UBN2: variants seen among roughly 807,000 people sequenced by gnomAD.
UBN2 encodes the protein ubinuclein 2.
In UBN2, 35 loss-of-function variants were observed where a neutral mutation model predicts 120.2. The ratio of observed to expected loss-of-function variants is 0.29; its 90% CI spans 0.22 to 0.39. The LOEUF is 0.39. Among genes scored for constraint, UBN2 ranks in the 10% least tolerant of loss-of-function variants. The probability of loss-of-function intolerance (pLI) is 1.00; values close to 1 mark genes in which losing one functional copy is unlikely to be tolerated. For synonymous variants in UBN2, 661 were observed against 648.7 expected (o/e 1.02, Z -0.29); for missense variants, 1,693 against 1,663.2 (o/e 1.02, Z -0.31).
intron 3 of UBN2, among the ~76,000 whole-genome samples, chr7:139,258,275 A>G (rs1027324455): frequency 2.0e-5 from 3 of 152,070 alleles, no homozygotes; most frequent in Non-Finnish European, 4.4e-5. Context: ...ATACTTTATT[A>G]TTTCAGAAGT....
At position 139,303,321 on chromosome 7, in the gene UBN2, G is replaced by T. The variant is rs1459789827; in HGVS notation, c.*5485G>T. The T allele has an allele frequency of 1.3e-5, 2 of 152,212 alleles. No individual in the cohort carries two copies. The highest frequency in any genetic ancestry group is 4.8e-5 in the African/African-American group (2 of 41,448). The allele number at this position is 152,212 out of a possible 1,614,324, so 9.4% of individuals were successfully genotyped here. On this transcript the variant is annotated 3_prime_UTR_variant, in exon 18 of 18. Coordinates refer to ENST00000473989, the MANE Select transcript of UBN2 (RefSeq NM_173569.4). ...GATTTTTTGTTGAAAACAAATAGAT[G>T]TGACATGTTAAGGGAGACCAAGTTG...
chr7:139,286,865 T>C (rs1408979701), intron 15 of UBN2, among the ~76,000 whole-genome samples: 1 of 152,172 alleles, frequency 6.6e-6, no homozygotes, highest in Non-Finnish European at 1.5e-5. Flanking sequence ...ATATTCAATA[T>C]ACATTGTATA....
chr7:139,319,850 G>A, the UBN2 span, among the ~76,000 whole-genome samples: 3 of 152,038 alleles, frequency 2.0e-5, no homozygotes, highest in Non-Finnish European at 2.9e-5. Flanking sequence ...GCCGAGGTGG[G>A]CGTATCACAA....
the UBN2 span, among the ~76,000 whole-genome samples, chr7:139,321,218 T>G: frequency 6.6e-6 from 1 of 152,156 alleles, no homozygotes; most frequent in South Asian, 2.1e-4. Context: ...AGCTCCACAT[T>G]GGGAAGGATT....
At position 139,282,482 on chromosome 7, in the gene UBN2, T is replaced by A. The variant is rs113123631; in HGVS notation, c.2118+427T>A. 6.1e-3 allele frequency among the ~76,000 whole-genome samples: 929 copies of A among 152,294 alleles called. 6 individuals are homozygous for A. The highest frequency in any genetic ancestry group is 0.021 in the African/African-American group (853 of 41,562). ...ATTCACCATAATAAATAGCATAATT[T>A]ATTTATGCTTGGATTGAATCGTCTG... On this transcript the variant is annotated intron_variant, in intron 14 of 17. Transcript: ENST00000473989.
chr7:139,271,611 A>G (rs2131007405), intron 8 of UBN2, among the ~76,000 whole-genome samples: 1 of 152,260 alleles, frequency 6.6e-6, no homozygotes, highest in Admixed American at 6.5e-5. Flanking sequence ...TTGTTTCAGT[A>G]AAGAAAAGTC....
chr7:139,273,835 T>C (rs980568299), intron 10 of UBN2, 96 bp from the exon 11 acceptor site: 1 of 1,062,620 alleles, frequency 9.4e-7, no homozygotes, highest in African/African-American at 1.6e-5. Flanking sequence ...TAGAAATTGT[T>C]TGTTATTTTC....
chr7:139,238,450 C>T (rs1399578710), intron 2 of UBN2, among the ~76,000 whole-genome samples: 1 of 149,078 alleles, frequency 6.7e-6, no homozygotes, highest in Non-Finnish European at 1.5e-5. Flanking sequence ...TTTTCTAAGA[C>T]AGAGTCTCTG....
chr7:139,273,118 T>A (rs1240892989), intron 9 of UBN2, among the ~76,000 whole-genome samples, 179 bp from the exon 10 acceptor site: 1 of 152,214 alleles, frequency 6.6e-6, no homozygotes, highest in East Asian at 1.9e-4. Flanking sequence ...TCTGAAGTCC[T>A]TATTTACCAA....
At chr7:139,234,486 A>G (rs999717121) in intron 1 of UBN2, among the ~76,000 whole-genome samples, 13 of 152,334 alleles carry the variant, frequency 8.5e-5, no homozygotes, top group Admixed American at 8.5e-4. Flanking sequence ...GGAAAATAGG[A>G]AAAACAAAAC....
At chr7:139,329,186 AT>A in the UBN2 span, among the ~76,000 whole-genome samples, 16,516 of 134,636 alleles carry the variant, frequency 0.12, 2,313 homozygotes, top group African/African-American at 0.36. Flanking sequence ...TGAGCAAAAG[AT>A]TTTTTTTTTT....
At chr7:139,308,950 A>G (rs756387170), downstream of UBN2, among the ~76,000 whole-genome samples, 5 of 152,134 alleles carry the variant, frequency 3.3e-5, no homozygotes, top group Non-Finnish European at 7.4e-5. Context: ...TGTGCCTGTA[A>G]TCCCAGCTAC....
chr7:139,244,289 T>C (rs1315499158), intron 2 of UBN2, among the ~76,000 whole-genome samples: 1 of 152,208 alleles, frequency 6.6e-6, no homozygotes, highest in East Asian at 1.9e-4. Context: ...CCACTGTGAA[T>C]AGTTTGATAG....
intron 12 of UBN2, among the ~76,000 whole-genome samples, 189 bp from the exon 13 acceptor site, chr7:139,279,129 T>G (rs966399430): frequency 1.3e-5 from 2 of 152,192 alleles, no homozygotes; most frequent in Non-Finnish European, 2.9e-5. Flanking sequence ...GTTTGGCCTT[T>G]CAATTAATCT....
At chr7:139,279,702 GT>G (rs1797547365) in intron 13 of UBN2, among the ~76,000 whole-genome samples, 1 of 152,196 alleles carries the variant, frequency 6.6e-6, no homozygotes, top group Non-Finnish European at 1.5e-5. Flanking sequence ...GTGTTAATCT[GT>G]CGCTTACACT....
chr7:139,320,450 G>C, the UBN2 span, among the ~76,000 whole-genome samples: 11 of 151,972 alleles, frequency 7.2e-5, no homozygotes, highest in South Asian at 2.1e-3. Context: ...GACAGAGAGA[G>C]ACTCTGTCTC....
chr7:139,289,049 T>C (rs1167842721), intron 15 of UBN2, among the ~76,000 whole-genome samples: 1 of 151,654 alleles, frequency 6.6e-6, no homozygotes, highest in African/African-American at 2.4e-5. Context: ...AGAGCAAGGA[T>C]TCCCTTCAAT....
rs752308695 is a variant in UBN2, at chr7:139,283,249, A to G, written c.2344A>G (p.Lys782Glu). The G allele has an allele frequency of 1.9e-6, 3 of 1,613,516 alleles. No individual in the cohort carries two copies. The highest frequency in any genetic ancestry group is 1.7e-5 in the Admixed American group (1 of 59,910). ...EALAVINNGN[K>E]GPPVGSRISM... The stretch of plus-strand genomic sequence containing the variant: ...TTTAGCGGTTATCAACAATGGGAAC[A>G]AGGGCCCTCCAGTTGGCTCAAGGAT... Residue 782 changes from lysine (K) to glutamate (E), a missense_variant, in exon 15 of 18, where the codon AAG becomes GAG. Physicochemically the swap from Lys to Glu is moderately conservative, Grantham distance 56 (BLOSUM62 1). Coordinates refer to ENST00000473989, the MANE Select transcript of UBN2 (RefSeq NM_173569.4).
chr7:139,262,085 T>C (rs2130985158), intron 6 of UBN2, among the ~76,000 whole-genome samples: 1 of 150,394 alleles, frequency 6.6e-6, no homozygotes, highest in East Asian at 2.0e-4. Context: ...ACCTGGTGTT[T>C]TATTTTATTT....
Sources: gnomAD v4.1 joint callset for allele counts (sites outside exome capture counted in the v4.1 genomes callset) on GRCh38, gnomAD v4.1.1 for gene constraint, MANE v1.5 for transcripts, NCBI Gene and HGNC (gene_info 2026-07-23, HGNC 2026-07-21) for gene names.